FOXP4: variants seen among roughly 807,000 people sequenced by gnomAD.
FOXP4 encodes the protein forkhead box P4.
A neutral mutation model predicts 82.6 loss-of-function variants in FOXP4; 25 were observed. That is an observed-to-expected ratio of 0.30 (90% confidence interval 0.22 to 0.42). The LOEUF is 0.42. Among genes scored for constraint, FOXP4 ranks in the 10% least tolerant of loss-of-function variants. The pLI is 1.00. For missense variants in FOXP4, 785 were observed against 900.9 expected, an observed-to-expected ratio of 0.87 and a Z score of 1.65; for synonymous variants, 415 against 388.2, an observed-to-expected ratio of 1.07 and a Z score of -0.81.
chr6:41,588,678 A>T lies in FOXP4; in HGVS notation c.1012A>T (p.Ser338Cys). Residue 338 changes from serine (S) to cysteine (C), a missense_variant, in exon 9 of 17, where the codon AGT (serine) becomes TGT (cysteine). Transcript: ENST00000307972. ...LNTEHALDDR[S>C]TAQCRVQMQV... is the part of the protein sequence containing the mutation. ...CACAGAGCACGCCCTGGATGACCGG[A>T]GTACAGCCCAGTGCCGGGTACAGAT... 6.2e-7 allele frequency: 1 copy of T among 1,614,006 alleles called. No individual in the cohort carries two copies. Among genetic ancestry groups the T allele is most frequent in the Non-Finnish European group, 8.5e-7 (1 of 1,180,012 alleles).
chr6:41,568,969 G>A (rs767201458), intron 2 of FOXP4, among the ~76,000 whole-genome samples: 6 of 152,208 alleles, frequency 3.9e-5, no homozygotes, highest in Non-Finnish European at 7.3e-5. Flanking sequence ...CAGAGGCTGG[G>A]GGGTGACCTG....
intron 2 of FOXP4, among the ~76,000 whole-genome samples, chr6:41,568,487 G>T (rs1313636240): frequency 6.6e-6 from 1 of 152,210 alleles, no homozygotes; most frequent in African/African-American, 2.4e-5. Flanking sequence ...AGGCAGCGAG[G>T]CCTCGAGCAT....
At chr6:41,590,978 T>A (rs1287382901) in intron 12 of FOXP4, among the ~76,000 whole-genome samples, 1 of 152,232 alleles carries the variant, frequency 6.6e-6, no homozygotes, top group Non-Finnish European at 1.5e-5. Flanking sequence ...ATCCTTCTTG[T>A]ACAAATACAT....
chr6:41,587,809 A>T lies in FOXP4; in HGVS notation c.889A>T (p.Thr297Ser). 3 of 1,563,464 alleles carry T rather than the reference A, an allele frequency of 1.9e-6. No homozygotes were observed. Among genetic ancestry groups the T allele is most frequent in the South Asian group, 1.2e-5 (1 of 85,040 alleles). ...TCCTCCCAGCTCTTCCCACGAGGAGACCCCCGGCTCCCACCCCCTGTACGG... is the reference window on the plus strand; with the variant it reads ...TCCTCCCAGCTCTTCCCACGAGGAGTCCCCCGGCTCCCACCCCCTGTACGG... ...SRRDSSSHEE[T>S]PGSHPLYGHG... Residue 297 changes from threonine to serine, a missense_variant, in exon 8 of 17, where the codon ACC becomes TCC. Coordinates refer to ENST00000307972, the MANE Select transcript of FOXP4 (RefSeq NM_001012426.2).
chr6:41,560,461 G>A (rs4714482), intron 1 of FOXP4, among the ~76,000 whole-genome samples: 53,010 of 152,140 alleles, frequency 0.35, 9,841 homozygotes, highest in African/African-American at 0.47. Context: ...CTCTGGGTAC[G>A]GGCTACCTGT....
chr6:41,576,156 C>T (rs1326899548), intron 2 of FOXP4, among the ~76,000 whole-genome samples: 3 of 152,088 alleles, frequency 2.0e-5, no homozygotes, highest in Non-Finnish European at 4.4e-5. Flanking sequence ...TCCTGTCCCC[C>T]TCTGGAAGCC....
chr6:41,560,279 C>T (rs1764493417), intron 1 of FOXP4, among the ~76,000 whole-genome samples: 1 of 152,158 alleles, frequency 6.6e-6, no homozygotes, highest in Admixed American at 6.5e-5. Context: ...ACCACCACCA[C>T]TCTGAAAAAA....
chr6:41,597,862 C>A lies in FOXP4; in HGVS notation c.1807C>A (p.Leu603Ile). 1 of 1,600,398 alleles carries A rather than the reference C, an allele frequency of 6.2e-7. No homozygotes were observed. Among genetic ancestry groups the A allele is most frequent in the East Asian group, 2.2e-5 (1 of 44,532 alleles). The change falls in exon 16 of 17, where the codon CTC (leucine) becomes ATC (isoleucine). Residue 603 changes from leucine to isoleucine, a missense_variant. Physicochemically the swap from Leu to Ile is conservative, Grantham distance 5 (BLOSUM62 2). Transcript: ENST00000307972. ...NPGSASSLLP[L>I]SHDDVGAPVE... Reference sequence around the variant, plus strand: ...TGGCTCCGCCAGCAGCCTGCTGCCCCTCAGCCACGATGACGTGGGTGCCCC... The same window carrying A: ...TGGCTCCGCCAGCAGCCTGCTGCCCATCAGCCACGATGACGTGGGTGCCCC...
At chr6:41,587,950 C>T (rs564553855) in intron 8 of FOXP4, 53 bp downstream of exon 8, 3 of 958,588 alleles carry the variant, frequency 3.1e-6, no homozygotes, top group South Asian at 2.8e-5. Context: ...CAGGGCCTCT[C>T]CCCCAACCCT....
At chr6:41,574,992 G>A (rs1235328338) in intron 2 of FOXP4, among the ~76,000 whole-genome samples, 2 of 152,138 alleles carry the variant, frequency 1.3e-5, no homozygotes, top group Middle Eastern at 3.4e-3. Flanking sequence ...TTTTTGAGAT[G>A]GAGTCTTGCT....
chr6:41,561,125 A>G (rs901554160), intron 1 of FOXP4, among the ~76,000 whole-genome samples: 1 of 152,224 alleles, frequency 6.6e-6, no homozygotes, highest in African/African-American at 2.4e-5. Context: ...TCAGAGCGGA[A>G]GAGGCAGCCG....
chr6:41,548,078 G>A (rs1310964946), intron 1 of FOXP4, among the ~76,000 whole-genome samples: 1 of 152,212 alleles, frequency 6.6e-6, no homozygotes. Context: ...CCTAGGTTGG[G>A]GGGAAAGGGT....
chr6:41,556,603 T>A (rs536603491), intron 1 of FOXP4, among the ~76,000 whole-genome samples: 1 of 152,130 alleles, frequency 6.6e-6, no homozygotes, highest in Admixed American at 6.5e-5. Context: ...GGATTACAGG[T>A]GTGAGCCACC....
At chr6:41,588,788 A>G in intron 9 of FOXP4, 57 bp downstream of exon 9, 1 of 1,587,550 alleles carries the variant, frequency 6.3e-7, no homozygotes, top group Non-Finnish European at 8.6e-7. Flanking sequence ...CTGCCCACCC[A>G]CAGCACTGAC....
At chr6:41,576,693 G>C (rs905642962) in intron 2 of FOXP4, among the ~76,000 whole-genome samples, 19 of 152,172 alleles carry the variant, frequency 1.2e-4, no homozygotes, top group African/African-American at 4.3e-4. Flanking sequence ...CCAACTGGAT[G>C]CCAAACATTG....
Position 41,585,436 on chromosome 6 carries a change from G to A in FOXP4, c.429G>A (p.Gln143=). Residue 143 remains glutamine (Q), a synonymous_variant, in exon 5 of 17, where the codon CAG becomes CAA. Transcript: ENST00000307972. ...QQQALMLQQL[Q]EYYKKQQEQL... ...ACCCTCCTCCACCCCCCCAGCTACA[G>A]GAGTACTACAAGAAGCAGCAGGAGC... 1 of 1,613,752 alleles carries A rather than the reference G, an allele frequency of 6.2e-7. No homozygotes were observed.
chr6:41,552,039 G>T (rs1202637872), intron 1 of FOXP4, among the ~76,000 whole-genome samples: 3 of 152,218 alleles, frequency 2.0e-5, no homozygotes, highest in Non-Finnish European at 4.4e-5. Flanking sequence ...CACCCAGAGA[G>T]CCCTTAGGAG....
chr6:41,591,395 T>C lies in FOXP4; in HGVS notation c.1536+73T>C, dbSNP rs1766506866. 1 of 1,291,462 alleles carries C rather than the reference T, an allele frequency of 7.7e-7. No individual in the cohort carries two copies. Among genetic ancestry groups the C allele is most frequent in the Non-Finnish European group, 1.1e-6 (1 of 916,900 alleles). The allele number at this position is 1,291,462 out of a possible 1,614,324, so 80.0% of individuals were successfully genotyped here. The stretch of plus-strand genomic sequence containing the variant: ...TGCCATATCCCATGGAGACCAAGGC[T>C]GCCTAACAATTAGTTCCCTAAACCA... On this transcript the variant is annotated intron_variant, in intron 13 of 16. Transcript: ENST00000307972. This position sits in a 1 kb window ranked among gnomAD's most constrained non-coding sequence, Gnocchi z 4.2.
intron 2 of FOXP4, among the ~76,000 whole-genome samples, chr6:41,569,337 G>A (rs1337445480): frequency 6.6e-6 from 1 of 152,204 alleles, no homozygotes; most frequent in South Asian, 2.1e-4. Context: ...CACACCCGTG[G>A]CCCATCCGTC....
Sources: allele counts gnomAD v4.1 joint callset (sites outside exome capture counted in the v4.1 genomes callset), GRCh38; gene constraint gnomAD v4.1.1; non-coding constraint Gnocchi (gnomAD v3.1); transcripts MANE v1.5; gene names NCBI Gene and HGNC (gene_info 2026-07-23, HGNC 2026-07-21).